Variants in UBE2D1 observed in about 807,000 individuals in gnomAD.
UBE2D1 encodes ubiquitin-conjugating enzyme E2 D1.
Under a neutral mutation model 24.6 loss-of-function variants are expected in UBE2D1, and 9 were observed. The observed-to-expected ratio is 0.37, with a 90% CI of 0.22 to 0.64. The LOEUF (loss-of-function observed/expected upper bound fraction) is 0.64. UBE2D1 is among the 30% of genes least tolerant of loss of function. UBE2D1 has a pLI of 0.64. For missense variants in UBE2D1, 87 were observed against 177.1 expected, an observed-to-expected ratio of 0.49 and a Z score of 2.89; for synonymous variants, 57 against 57.6, an observed-to-expected ratio of 0.99 and a Z score of 0.04.
Position 58,335,079 on chromosome 10 carries a change from T to A in UBE2D1, c.-123T>A. ...CGCCCGGAGCGAGCCAGGGAGCGGCTAACCGGGGACCCACCGCGCGGAGCC... is the reference window on the plus strand; with the variant it reads ...CGCCCGGAGCGAGCCAGGGAGCGGCAAACCGGGGACCCACCGCGCGGAGCC... On this transcript the variant is annotated 5_prime_UTR_variant, in exon 1 of 7. Coordinates refer to ENST00000373910, the MANE Select transcript of UBE2D1 (RefSeq NM_003338.5). 2 of 1,074,334 alleles carry A rather than the reference T, an allele frequency of 1.9e-6. No individual in the cohort carries two copies. The highest frequency in any genetic ancestry group is 1.3e-6 in the Non-Finnish European group (1 of 742,594). The allele number at this position is 1,074,334 out of a possible 1,614,324, so 66.6% of individuals were successfully genotyped here.
intron 1 of UBE2D1, among the ~76,000 whole-genome samples, chr10:58,360,133 T>C (rs139451557): frequency 6.6e-6 from 1 of 152,316 alleles, no homozygotes; most frequent in African/African-American, 2.4e-5. Context: ...GTTTCCTGCC[T>C]GGCTTCTGCC....
chr10:58,351,406 AT>A (rs977283947), intron 1 of UBE2D1, among the ~76,000 whole-genome samples: 1 of 151,736 alleles, frequency 6.6e-6, no homozygotes, highest in African/African-American at 2.4e-5. Flanking sequence ...TTTTTTTCAC[AT>A]TTTTTTCACT....
At chr10:58,359,039 C>CA (rs1759250490) in intron 1 of UBE2D1, among the ~76,000 whole-genome samples, 1 of 122,834 alleles carries the variant, frequency 8.1e-6, no homozygotes, top group African/African-American at 3.0e-5. Context: ...AAAAGCAAAA[C>CA]AAAAATGAAA....
rs370842678 is a variant in UBE2D1 at position 58,348,675 on chromosome 10, G to A, written c.25-12663G>A. Among the ~76,000 whole-genome samples, 161 of 152,236 alleles carry A rather than the reference G, an allele frequency of 1.1e-3. 1 individual carries two copies. The Middle Eastern group carries it at 0.02, about 19-fold the overall frequency. On this transcript the variant is annotated intron_variant, in intron 1 of 6. Transcript: ENST00000373910. Reference sequence around the variant, plus strand: ...ACTGTTGAAGCTAGAAAACAACAAAGCATTTTTAGTCTGGTCAGCGTAATT... The same window carrying A: ...ACTGTTGAAGCTAGAAAACAACAAAACATTTTTAGTCTGGTCAGCGTAATT...
rs1242045816 is a variant in UBE2D1, at chr10:58,364,860, T to C, written c.288T>C (p.Ala96=). 1 of 1,612,644 alleles carries C rather than the reference T, an allele frequency of 6.2e-7. No individual in the cohort carries two copies. The highest frequency in any genetic ancestry group is 1.3e-5 in the African/African-American group (1 of 74,902). ...LDILRSQWSP[A]LTVSKVLLSI... ...TTCTGAGGTCACAATGGTCACCAGC[T>C]CTGACTGTATCAAAAGGTAATTTCA... is the stretch of plus-strand genomic sequence containing the variant. The change falls in exon 5 of 7, where the codon GCT becomes GCC. Residue 96 remains alanine, a synonymous_variant. Transcript: ENST00000373910.
chr10:58,344,875 T>G (rs1050670796), intron 1 of UBE2D1, among the ~76,000 whole-genome samples: 8 of 151,632 alleles, frequency 5.3e-5, no homozygotes, highest in African/African-American at 1.9e-4. Flanking sequence ...TTGTTTTTTT[T>G]TTTTTTAATG....
chr10:58,358,714 C>A (rs1840159728), intron 1 of UBE2D1, among the ~76,000 whole-genome samples: 1 of 152,058 alleles, frequency 6.6e-6, no homozygotes, highest in African/African-American at 2.4e-5. Context: ...CTGCTTTTAC[C>A]CAGCATAGTT....
At chr10:58,352,482 A>G (rs1484354194) in intron 1 of UBE2D1, among the ~76,000 whole-genome samples, 1 of 144,004 alleles carries the variant, frequency 6.9e-6, no homozygotes, top group Non-Finnish European at 1.5e-5. Context: ...ATGTGGCGAT[A>G]TGTGCCTGGA....
intron 1 of UBE2D1, 81 bp from the exon 2 acceptor site, chr10:58,361,257 A>C: frequency 7.2e-7 from 1 of 1,380,664 alleles, no homozygotes; most frequent in South Asian, 1.2e-5. Context: ...TAAAGCTAAT[A>C]GTTTGCATCT....
chr10:58,352,184 C>T (rs972053897), intron 1 of UBE2D1, among the ~76,000 whole-genome samples: 2 of 152,014 alleles, frequency 1.3e-5, no homozygotes, highest in African/African-American at 4.8e-5. Flanking sequence ...TACTCTTGGT[C>T]CCATTCAGAT....
At chr10:58,366,198 G>T (rs1840253515) in intron 5 of UBE2D1, among the ~76,000 whole-genome samples, 1 of 152,164 alleles carries the variant, frequency 6.6e-6, no homozygotes, top group Admixed American at 6.5e-5. Flanking sequence ...AAAAGAAATG[G>T]CAAACTGCCA....
chr10:58,353,232 G>T (rs1840096630), intron 1 of UBE2D1, among the ~76,000 whole-genome samples: 1 of 152,100 alleles, frequency 6.6e-6, no homozygotes, highest in African/African-American at 2.4e-5. Flanking sequence ...GGTATAGTTG[G>T]GATGAAAGTA....
chr10:58,342,892 C>T (rs866157319), intron 1 of UBE2D1, among the ~76,000 whole-genome samples: 4 of 148,930 alleles, frequency 2.7e-5, no homozygotes, highest in Admixed American at 1.3e-4. Flanking sequence ...TACAGTGGCG[C>T]GATCTCGGCT....
intron 1 of UBE2D1, chr10:58,360,807 G>A (rs1282011367): frequency 6.0e-5 from 19 of 314,272 alleles, no homozygotes; most frequent in Admixed American, 4.3e-4. Context: ...CCAGCTACTC[G>A]GGGTAGGAGT....
At chr10:58,342,861 C>T (rs1197376599) in intron 1 of UBE2D1, among the ~76,000 whole-genome samples, 6 of 138,880 alleles carry the variant, frequency 4.3e-5, no homozygotes, top group African/African-American at 1.6e-4. Context: ...ATGAAGTTTG[C>T]TCTTGTCGCC....
chr10:58,348,387 T>C (rs756202984), intron 1 of UBE2D1, among the ~76,000 whole-genome samples: 4 of 152,256 alleles, frequency 2.6e-5, no homozygotes, highest in Non-Finnish European at 5.9e-5. Context: ...ATACAGCTTA[T>C]ATATCCTTTT....
chr10:58,352,021 C>G (rs901624152), intron 1 of UBE2D1, among the ~76,000 whole-genome samples: 12 of 152,026 alleles, frequency 7.9e-5, no homozygotes, highest in African/African-American at 2.7e-4. Flanking sequence ...ATATGGATAC[C>G]TAATTGACCC....
intron 1 of UBE2D1, chr10:58,361,030 C>T (rs1298742620): frequency 2.1e-6 from 1 of 476,202 alleles, no homozygotes; most frequent in Non-Finnish European, 3.9e-6. Context: ...ATATTATCAA[C>T]CTAGCATTTA....
chr10:58,345,327 T>C (rs1400348124), intron 1 of UBE2D1, among the ~76,000 whole-genome samples: 1 of 151,908 alleles, frequency 6.6e-6, no homozygotes, highest in African/African-American at 2.4e-5. Flanking sequence ...AATTAAAAAA[T>C]AGCTCAGCAT....
Sources: allele counts gnomAD v4.1 joint callset (sites outside exome capture counted in the v4.1 genomes callset), GRCh38; gene constraint gnomAD v4.1.1; transcripts MANE v1.5; gene names NCBI Gene and HGNC (gene_info 2026-07-23, HGNC 2026-07-21).